Variants in MTHFD1L observed in about 807,000 individuals in gnomAD.
The protein encoded by MTHFD1L is methylenetetrahydrofolate dehydrogenase (NADP+ dependent) 1 like.
Under a neutral mutation model 119.5 loss-of-function variants are expected in MTHFD1L, and 81 were observed. The observed-to-expected ratio is 0.68, with a 90% CI of 0.57 to 0.82. The LOEUF (loss-of-function observed/expected upper bound fraction) is 0.82, where lower values mean the gene tolerates loss of function less well. MTHFD1L is among the 40% of genes least tolerant of loss of function. The pLI is 0.00. For missense variants in MTHFD1L, 1,125 were observed against 1,253.4 expected (o/e 0.90, Z 1.55); for synonymous variants, 430 against 475.2 (o/e 0.90, Z 1.24).
At chr6:150,936,618 C>G (rs1042703204) in intron 11 of MTHFD1L, among the ~76,000 whole-genome samples, 186 bp from the exon 12 acceptor site, 3 of 152,098 alleles carry the variant, frequency 2.0e-5, no homozygotes, top group African/African-American at 7.2e-5. Context: ...AAAGGTGTGT[C>G]TGTATCTTGA....
chr6:151,061,205 C>T (rs940455155), intron 26 of MTHFD1L, among the ~76,000 whole-genome samples: 1 of 152,082 alleles, frequency 6.6e-6, no homozygotes, highest in African/African-American at 2.4e-5. Context: ...GGATACAAAG[C>T]AAAATTAGCA....
intron 25 of MTHFD1L, among the ~76,000 whole-genome samples, chr6:151,036,640 CT>C: frequency 6.6e-6 from 1 of 152,198 alleles, no homozygotes; most frequent in Admixed American, 6.5e-5. Flanking sequence ...TATTAATAGT[CT>C]TGGAAAGTGG....
At chr6:151,033,590 A>G (rs966776081) in intron 24 of MTHFD1L, among the ~76,000 whole-genome samples, 2 of 152,056 alleles carry the variant, frequency 1.3e-5, no homozygotes, top group African/African-American at 4.8e-5. Flanking sequence ...TCAATCTAAC[A>G]TTATGGAAAT....
intron 23 of MTHFD1L, among the ~76,000 whole-genome samples, 186 bp downstream of exon 23, chr6:151,015,166 G>A (rs1240579549): frequency 1.4e-5 from 2 of 147,588 alleles, no homozygotes; most frequent in Non-Finnish European, 3.0e-5. Context: ...ATGTTATTAA[G>A]GAAGTGAAAT....
intron 1 of MTHFD1L, among the ~76,000 whole-genome samples, chr6:150,873,386 A>G (rs963578707): frequency 2.0e-5 from 3 of 152,200 alleles, no homozygotes; most frequent in East Asian, 1.9e-4. Context: ...TGAGAAAATT[A>G]TTGCTGTTAG....
At chr6:151,040,256 C>T (rs113904084) in intron 26 of MTHFD1L, among the ~76,000 whole-genome samples, 6,019 of 152,252 alleles carry the variant, frequency 0.04, 424 homozygotes, top group African/African-American at 0.14. Flanking sequence ...GCACTCAGCT[C>T]GGGGCTACAG....
At position 150,905,731 on chromosome 6, in the gene MTHFD1L, G is replaced by C. The variant is rs772693578; in HGVS notation, c.862G>C (p.Val288Leu). 1 of 1,614,072 alleles carries C rather than the reference G, an allele frequency of 6.2e-7. No homozygotes were observed. The highest frequency in any genetic ancestry group is 8.5e-7 in the Non-Finnish European group (1 of 1,179,934). ...PLTWIQPGTT[V>L]LNCSHDFLSG... Reference sequence around the variant, plus strand: ...TACTTGGATACAACCAGGAACTACTGTTCTCAACTGCTCCCATGACTTCCT... The same window carrying C: ...TACTTGGATACAACCAGGAACTACTCTTCTCAACTGCTCCCATGACTTCCT... The change falls in exon 8 of 28, where the codon GTT (valine) becomes CTT (leucine). Residue 288 changes from valine to leucine, a missense_variant. Physicochemically the swap from Val to Leu is conservative, Grantham distance 32. Around this residue, in one of 3 missense-constraint regions of MTHFD1L, gnomAD observed 1,058 missense variants for 1,151.2 expected, o/e 0.92. Transcript: ENST00000367321.
At chr6:150,937,976 A>G (rs1222847840) in intron 12 of MTHFD1L, among the ~76,000 whole-genome samples, 1 of 152,166 alleles carries the variant, frequency 6.6e-6, no homozygotes, top group Non-Finnish European at 1.5e-5. Flanking sequence ...GAAGTTTATA[A>G]TTTACTCATT....
At chr6:150,917,576 A>C (rs985561458) in intron 8 of MTHFD1L, among the ~76,000 whole-genome samples, 4 of 152,210 alleles carry the variant, frequency 2.6e-5, no homozygotes, top group Admixed American at 6.5e-5. Flanking sequence ...TAGGATATGA[A>C]GTCATTCTGA....
intron 13 of MTHFD1L, among the ~76,000 whole-genome samples, chr6:150,942,633 A>G (rs1793314024): frequency 6.6e-6 from 1 of 152,128 alleles, no homozygotes; most frequent in African/African-American, 2.4e-5. Context: ...AGAATCTTTA[A>G]TGATGTAAAA....
chr6:150,977,677 A>ATT (rs1776780565), intron 20 of MTHFD1L, among the ~76,000 whole-genome samples: 1 of 152,144 alleles, frequency 6.6e-6, no homozygotes, highest in South Asian at 2.1e-4. Flanking sequence ...TTAACTTAGG[A>ATT]TTTTTTAATT....
intron 20 of MTHFD1L, among the ~76,000 whole-genome samples, chr6:150,991,099 C>T (rs1779004045): frequency 6.6e-6 from 1 of 152,088 alleles, no homozygotes; most frequent in Non-Finnish European, 1.5e-5. Context: ...TCAGGTGATC[C>T]ATCTGCCTCT....
At chr6:150,870,458 C>T (rs1779206274) in intron 1 of MTHFD1L, among the ~76,000 whole-genome samples, 1 of 152,078 alleles carries the variant, frequency 6.6e-6, no homozygotes, top group African/African-American at 2.4e-5. Flanking sequence ...TGTACAGGCA[C>T]CCCTAAGATA....
intron 7 of MTHFD1L, among the ~76,000 whole-genome samples, chr6:150,903,509 T>A (rs567723368): frequency 6.6e-6 from 1 of 152,164 alleles, no homozygotes; most frequent in Non-Finnish European, 1.5e-5. Context: ...CATGACCTCC[T>A]GGGCTCAAGC....
At chr6:150,897,093 G>A (rs1316877674) in intron 7 of MTHFD1L, among the ~76,000 whole-genome samples, 1 of 152,114 alleles carries the variant, frequency 6.6e-6, no homozygotes, top group Non-Finnish European at 1.5e-5. Context: ...CTCCAGCCTG[G>A]GCAATAGAGT....
At chr6:151,029,842 T>G (rs1026173669) in intron 24 of MTHFD1L, among the ~76,000 whole-genome samples, 8 of 152,196 alleles carry the variant, frequency 5.3e-5, no homozygotes, top group African/African-American at 1.9e-4. Flanking sequence ...TCGCATCAAT[T>G]TATTCACTAG....
chr6:151,052,964 C>T (rs1486400831), intron 26 of MTHFD1L, among the ~76,000 whole-genome samples: 4 of 152,126 alleles, frequency 2.6e-5, no homozygotes, highest in South Asian at 2.1e-4. Context: ...TGAGATCGCC[C>T]GTCGTGGGGT....
chr6:150,955,127 C>T (rs1358285722), intron 16 of MTHFD1L, among the ~76,000 whole-genome samples: 1 of 152,136 alleles, frequency 6.6e-6, no homozygotes, highest in Non-Finnish European at 1.5e-5. Context: ...ACTATCTATA[C>T]CCAGAACCTT....
intron 1 of MTHFD1L, chr6:150,866,431 G>A (rs1488122405): frequency 2.2e-6 from 3 of 1,342,362 alleles, no homozygotes; most frequent in African/African-American, 1.5e-5. Flanking sequence ...GGGAGGGGGC[G>A]AGGAGCAGGA....
Sources: gnomAD v4.1 joint callset for allele counts (sites outside exome capture counted in the v4.1 genomes callset) on GRCh38, gnomAD v4.1.1 for gene constraint, gnomAD v4.1.1 regional missense constraint, MANE v1.5 for transcripts, NCBI Gene and HGNC (gene_info 2026-07-23, HGNC 2026-07-21) for gene names.